The following ATP8A2 variants were observed in gnomAD, a reference collection of about 807,000 sequenced individuals.
ATP8A2 encodes phospholipid-transporting ATPase IB.
A neutral mutation model predicts 165.6 loss-of-function variants in ATP8A2; 100 were observed. The observed-to-expected ratio is 0.60, with a 90% CI of 0.51 to 0.71. The LOEUF (loss-of-function observed/expected upper bound fraction) is 0.71, where lower values mean the gene tolerates loss of function less well. Ranked by LOEUF, ATP8A2 falls within the 30% of genes least tolerant of loss-of-function variation. ATP8A2 has a pLI of 0.00. For missense variants in ATP8A2, 1,227 were observed against 1,479.5 expected (o/e 0.83, Z 2.80); for synonymous variants, 543 against 548.8 (o/e 0.99, Z 0.15).
chr13:25,912,181 CACACACACACACACAG>C (rs1954129967), intron 33 of ATP8A2, among the ~76,000 whole-genome samples: 2 of 147,808 alleles, frequency 1.4e-5, no homozygotes, highest in African/African-American at 2.6e-5. Context: ...CACACACACA[CACACACACACACACAG>C]TGGAATAGTC....
At chr13:25,599,165 A>T (rs970016865) in intron 24 of ATP8A2, among the ~76,000 whole-genome samples, 1 of 152,102 alleles carries the variant, frequency 6.6e-6, no homozygotes, top group African/African-American at 2.4e-5. Flanking sequence ...ATAAATTAGC[A>T]TTTGCTTAAA....
At chr13:25,968,725 C>A in intron 35 of ATP8A2, 46 bp downstream of exon 35, 1 of 1,431,826 alleles carries the variant, frequency 7.0e-7, no homozygotes, top group Non-Finnish European at 9.8e-7. Flanking sequence ...GTGCTCCCGG[C>A]CCTTTTCCCT....
At chr13:25,686,656 T>G (rs8001025) in intron 24 of ATP8A2, among the ~76,000 whole-genome samples, 150,803 of 152,232 alleles carry the variant, frequency 0.99, 74,711 homozygotes, top group East Asian at 1. Flanking sequence ...TCTTTTAATG[T>G]GATGAACAGT....
intron 24 of ATP8A2, among the ~76,000 whole-genome samples, chr13:25,611,897 C>T (rs546029757): frequency 2.6e-4 from 40 of 152,170 alleles, no homozygotes; most frequent in African/African-American, 7.7e-4. Flanking sequence ...TTATCTATCT[C>T]CTCTAAGTTT....
At chr13:25,952,303 G>A (rs543974732) in intron 33 of ATP8A2, among the ~76,000 whole-genome samples, 2 of 152,244 alleles carry the variant, frequency 1.3e-5, no homozygotes, top group South Asian at 4.1e-4. Flanking sequence ...ATTTCAGCCT[G>A]GAATTTGCTT....
intron 6 of ATP8A2, among the ~76,000 whole-genome samples, chr13:25,533,599 G>A (rs1210537392): frequency 1.3e-5 from 2 of 152,140 alleles, no homozygotes; most frequent in Non-Finnish European, 2.9e-5. Flanking sequence ...GTCCTCTGTT[G>A]TCTTAACCTA....
chr13:25,557,312 C>T (rs1161988057), intron 13 of ATP8A2, among the ~76,000 whole-genome samples: 2 of 152,174 alleles, frequency 1.3e-5, no homozygotes, highest in African/African-American at 4.8e-5. Context: ...CTGAATACAG[C>T]ACCCAGAGCA....
intron 27 of ATP8A2, among the ~76,000 whole-genome samples, chr13:25,790,474 C>T (rs2045139390): frequency 6.6e-6 from 1 of 151,526 alleles, no homozygotes; most frequent in Non-Finnish European, 1.5e-5. Context: ...TTGCTTGAGC[C>T]CAGGAGTTTG....
chr13:25,599,239 G>A (rs2040318079), intron 24 of ATP8A2, among the ~76,000 whole-genome samples: 1 of 152,160 alleles, frequency 6.6e-6, no homozygotes, highest in African/African-American at 2.4e-5. Flanking sequence ...TCTCCCATAT[G>A]CTGCTTTGCA....
chr13:25,839,095 T>C (rs1243336364), intron 29 of ATP8A2, among the ~76,000 whole-genome samples: 3 of 152,130 alleles, frequency 2.0e-5, no homozygotes, highest in African/African-American at 7.2e-5. Context: ...AGTGGAATGT[T>C]TTCAGTGCTT....
chr13:25,939,561 T>C (rs1194276591), intron 33 of ATP8A2, among the ~76,000 whole-genome samples: 1 of 152,126 alleles, frequency 6.6e-6, no homozygotes, highest in African/African-American at 2.4e-5. Context: ...TTTCGCCATA[T>C]TGGGGATGTT....
intron 24 of ATP8A2, among the ~76,000 whole-genome samples, chr13:25,669,550 G>C (rs780897414): frequency 1.1e-4 from 16 of 152,196 alleles, no homozygotes; most frequent in Non-Finnish European, 2.9e-5. Flanking sequence ...GGTCCTCTCA[G>C]GTCTTCTCCA....
Position 25,459,939 on chromosome 13 carries a change from C to T in ATP8A2, c.77-9038C>T, listed in dbSNP as rs184153070. The stretch of plus-strand genomic sequence containing the variant: ...GGACAAGGTTGGATGCAGTGGCTCA[C>T]GCCTGTAATCCCAGCACTTTGGGAG... On this transcript the variant is annotated intron_variant, in intron 1 of 36. Transcript: ENST00000381655. Among the ~76,000 whole-genome samples the T allele has an allele frequency of 6.4e-3, 969 of 152,234 alleles. 11 individuals are homozygous for T. Among genetic ancestry groups the T allele is most frequent in the Middle Eastern group, 0.041 (12 of 292 alleles).
chr13:25,975,421 CA>C (rs35831111), intron 35 of ATP8A2, among the ~76,000 whole-genome samples: 75 of 147,922 alleles, frequency 5.1e-4, no homozygotes, highest in Non-Finnish European at 8.8e-4. Flanking sequence ...ACTAAAAATA[CA>C]AAAAAAAAAA....
chr13:25,386,775 A>G (rs2033061980), intron 1 of ATP8A2, among the ~76,000 whole-genome samples: 1 of 152,104 alleles, frequency 6.6e-6, no homozygotes. Flanking sequence ...AGGCGGGCGG[A>G]TCACAAGGTC....
At position 25,555,044 on chromosome 13, in the gene ATP8A2, A is replaced by G; in HGVS notation, c.1239A>G (p.Ser413=). Residue 413 remains serine (S), a synonymous_variant, in exon 13 of 37, where the codon TCA becomes TCG. Transcript: ENST00000381655. ...GNDTPAMART[S]NLNEELGQVK... ...ACACTCCTGCCATGGCCAGGACATC[A>G]AACCTTAATGAAGAGCTTGGGCAGG... The G allele has an allele frequency of 6.2e-7, 1 of 1,613,060 alleles. No individual in the cohort carries two copies. Among genetic ancestry groups the G allele is most frequent in the South Asian group, 1.1e-5 (1 of 91,024 alleles).
intron 24 of ATP8A2, among the ~76,000 whole-genome samples, chr13:25,622,665 A>G (rs1389661995): frequency 1.3e-5 from 2 of 152,212 alleles, no homozygotes. Context: ...GACAGGTCAC[A>G]GTCAAAATGC....
intron 35 of ATP8A2, among the ~76,000 whole-genome samples, chr13:26,008,468 G>C (rs1408435): frequency 0.6 from 91,546 of 151,834 alleles, 27,962 homozygotes; most frequent in East Asian, 0.81. Flanking sequence ...AAGATAGAAT[G>C]AGATCAATAT....
chr13:25,573,596 A>G (rs1012537168), intron 18 of ATP8A2, among the ~76,000 whole-genome samples: 11 of 152,344 alleles, frequency 7.2e-5, no homozygotes, highest in East Asian at 1.9e-4. Context: ...ACATATTTAC[A>G]TGAAATGTCC....
Sources: allele counts gnomAD v4.1 joint callset (sites outside exome capture counted in the v4.1 genomes callset), GRCh38; gene constraint gnomAD v4.1.1; transcripts MANE v1.5; gene names NCBI Gene and HGNC (gene_info 2026-07-23, HGNC 2026-07-21).